The following SLC7A2 variants were observed in gnomAD, a reference collection of about 807,000 sequenced individuals.
SLC7A2 encodes the protein cationic amino acid transporter 2.
A neutral mutation model predicts 58.9 loss-of-function variants in SLC7A2; 48 were observed. The ratio of observed to expected loss-of-function variants is 0.82; its 90% CI spans 0.65 to 1.04. The LOEUF (loss-of-function observed/expected upper bound fraction) is 1.04, where lower values mean the gene tolerates loss of function less well. Among genes scored for constraint, SLC7A2 ranks in the 50% least tolerant of loss-of-function variants. The pLI is 0.00. For missense variants in SLC7A2, 1,029 were observed against 818.8 expected, an observed-to-expected ratio of 1.26 and a Z score of -3.13; for synonymous variants, 363 against 314.5, an observed-to-expected ratio of 1.15 and a Z score of -1.63.
intron 2 of SLC7A2, among the ~76,000 whole-genome samples, chr8:17,537,270 T>A (rs1395100444): frequency 6.6e-6 from 1 of 152,094 alleles, no homozygotes; most frequent in African/African-American, 2.4e-5. Flanking sequence ...TTGGTCAGGC[T>A]GGTCTCAAAA....
rs1419240795 is a variant in SLC7A2, at chr8:17,568,901, C to A, written c.*3755C>A. ...ATCGCTTGAGCCCAGGAGAGTGAGG[C>A]TGCAGTGAGCTGAGATTACGCCACT... On this transcript the variant is annotated 3_prime_UTR_variant, in exon 13 of 13. Transcript: ENST00000494857. The A allele has an allele frequency of 2.0e-5, 3 of 152,208 alleles. No homozygotes were observed. The highest frequency in any genetic ancestry group is 7.2e-5 in the African/African-American group (3 of 41,528). 9.4% of individuals were successfully genotyped at this position (152,208 alleles called of 1,614,324 possible).
chr8:17,505,177 T>A (rs1208268219), intron 2 of SLC7A2, among the ~76,000 whole-genome samples: 1 of 152,018 alleles, frequency 6.6e-6, no homozygotes, highest in East Asian at 1.9e-4. Context: ...CTGGCAATTT[T>A]GTGTAAGATT....
chr8:17,546,470 C>A (rs1453507074), intron 4 of SLC7A2, among the ~76,000 whole-genome samples: 2 of 152,178 alleles, frequency 1.3e-5, no homozygotes, highest in African/African-American at 4.8e-5. Context: ...GTATGCTCTG[C>A]TTAGATGAGA....
chr8:17,496,578 A>G (rs1799963352), upstream of SLC7A2, among the ~76,000 whole-genome samples: 2 of 152,174 alleles, frequency 1.3e-5, no homozygotes, highest in African/African-American at 2.4e-5. Context: ...TATTCATACC[A>G]CTGGAGTCTT....
chr8:17,525,827 G>C (rs143536121), intron 2 of SLC7A2, among the ~76,000 whole-genome samples: 32 of 152,268 alleles, frequency 2.1e-4, no homozygotes, highest in African/African-American at 7.7e-4. Context: ...AACAAACTTG[G>C]TCTTTGGTGA....
At chr8:17,554,794 T>G in intron 8 of SLC7A2, 95 bp downstream of exon 8, 1 of 1,467,518 alleles carries the variant, frequency 6.8e-7, no homozygotes. Flanking sequence ...TCTTTTTTGA[T>G]TTCCAAGAAG....
In SLC7A2 at chr8:17,530,539, A is replaced by G. The variant is rs144787466; in HGVS notation, c.-22-12779A>G. On this transcript the variant is annotated intron_variant, in intron 2 of 12. Transcript: ENST00000494857. ...AGGCAAGTTGCTGAAGTTAGTTGGC[A>G]GAAGGCAGATTAGGTACAAGTGTGA... Among the ~76,000 whole-genome samples, 1,353 of 151,876 alleles carry G rather than the reference A, an allele frequency of 8.9e-3. 14 individuals are homozygous for G. The highest frequency in any genetic ancestry group is 0.028 in the South Asian group (133 of 4,810).
intron 8 of SLC7A2, chr8:17,555,034 A>G: frequency 6.2e-7 from 1 of 1,614,040 alleles, no homozygotes; most frequent in Non-Finnish European, 8.5e-7. Flanking sequence ...CAGAGTGAGT[A>G]AGAGGCAGTC....
intron 2 of SLC7A2, chr8:17,538,715 A>G (rs11993109): frequency 0.097 from 128,513 of 1,329,506 alleles, 6,926 homozygotes; most frequent in East Asian, 0.19. Flanking sequence ...GATCTAGGGC[A>G]AAAACAGTAT....
At chr8:17,547,127 G>A (rs1802209085) in intron 4 of SLC7A2, among the ~76,000 whole-genome samples, 1 of 152,112 alleles carries the variant, frequency 6.6e-6, no homozygotes, top group Non-Finnish European at 1.5e-5. Context: ...ATACTGCTAT[G>A]AAGAAATACC....
At chr8:17,512,208 G>T (rs868283394) in intron 2 of SLC7A2, among the ~76,000 whole-genome samples, 6 of 151,972 alleles carry the variant, frequency 3.9e-5, no homozygotes, top group Non-Finnish European at 5.9e-5. Context: ...AAAAGATATG[G>T]CTTTTTTTCA....
chr8:17,521,935 G>C (rs987733721), intron 2 of SLC7A2, among the ~76,000 whole-genome samples: 5 of 152,178 alleles, frequency 3.3e-5, no homozygotes, highest in African/African-American at 1.2e-4. Context: ...ATTGTGTTTG[G>C]AAAGTTCTTT....
At chr8:17,561,134 C>T (rs971095552) in intron 10 of SLC7A2, among the ~76,000 whole-genome samples, 1 of 152,148 alleles carries the variant, frequency 6.6e-6, no homozygotes, top group Non-Finnish European at 1.5e-5. Context: ...GTGGTGATGT[C>T]ATTCTCTAAA....
rs1801659526 is a variant in SLC7A2 at position 17,536,227 on chromosome 8, G to A, written c.-22-7091G>A. Among the ~76,000 whole-genome samples the A allele has an allele frequency of 3.9e-5, 6 of 152,168 alleles. 1 individual carries two copies. Among genetic ancestry groups the A allele is most frequent in the Middle Eastern group, 3.4e-3 (1 of 294 alleles). ...TCCAACAGTGGGCATTGGGAGAAAT[G>A]ATGTTACCGATAATCCAGATTGGTT... is the stretch of plus-strand genomic sequence containing the variant. On this transcript the variant is annotated intron_variant, in intron 2 of 12. Coordinates refer to ENST00000494857, the MANE Select transcript of SLC7A2 (RefSeq NM_001370338.1).
At position 17,563,083 on chromosome 8, in the gene SLC7A2, C is replaced by T. The variant is rs576052268; in HGVS notation, c.1672-520C>T. Among the ~76,000 whole-genome samples the T allele has an allele frequency of 3.3e-5, 5 of 152,280 alleles. No homozygotes were observed. In the South Asian group the frequency reaches 1.0e-3, roughly 32 times the overall value. ...ACTGGAACCCAGGAGTTCAAGGCTG[C>T]AGTGAGCTATCATAGTATCACTGCA... On this transcript the variant is annotated intron_variant, in intron 11 of 12. Transcript: ENST00000494857.
intron 2 of SLC7A2, among the ~76,000 whole-genome samples, chr8:17,534,330 A>G (rs1801574756): frequency 6.6e-6 from 1 of 152,176 alleles, no homozygotes; most frequent in East Asian, 1.9e-4. Flanking sequence ...AGTTGTGGTC[A>G]TCTTTTTAAA....
chr8:17,517,592 C>G (rs945148205), intron 2 of SLC7A2, among the ~76,000 whole-genome samples: 1 of 151,724 alleles, frequency 6.6e-6, no homozygotes, highest in African/African-American at 2.4e-5. Context: ...TTAATACAGA[C>G]TTAAGTCCTG....
intron 2 of SLC7A2, 101 bp from the exon 3 acceptor site, chr8:17,543,217 A>AAACACAC (rs1801994769): frequency 1.4e-6 from 1 of 737,936 alleles, no homozygotes; most frequent in African/African-American, 2.0e-5. Flanking sequence ...CACACACACA[A>AAACACAC]ACACACACAC....
rs1034753973 is a variant in SLC7A2, at chr8:17,548,664, C to G, written c.533-14C>G. On this transcript the variant is annotated splice_polypyrimidine_tract_variant and intron_variant, in intron 4 of 12. Coordinates refer to ENST00000494857, the MANE Select transcript of SLC7A2 (RefSeq NM_001370338.1). The stretch of plus-strand genomic sequence containing the variant: ...CTAAAGCTAAATAAAAATTGAAATG[C>G]CCTTTTTCCATAGGTCTTTTGTCTT... 1.3e-6 allele frequency: 2 copies of G among 1,582,326 alleles called. No individual in the cohort carries two copies. Among genetic ancestry groups the G allele is most frequent in the Non-Finnish European group, 1.7e-6 (2 of 1,164,388 alleles).
Sources: allele counts gnomAD v4.1 joint callset (sites outside exome capture counted in the v4.1 genomes callset), GRCh38; gene constraint gnomAD v4.1.1; transcripts MANE v1.5; gene names NCBI Gene and HGNC (gene_info 2026-07-23, HGNC 2026-07-21).